AGBL4: variants seen among roughly 807,000 people sequenced by gnomAD.
AGBL4 encodes AGBL carboxypeptidase 4.
In AGBL4, 58 loss-of-function variants were observed where a neutral mutation model predicts 66.4. The ratio of observed to expected loss-of-function variants is 0.87; its 90% CI spans 0.71 to 1.09. The LOEUF (loss-of-function observed/expected upper bound fraction) is 1.09, where lower values mean the gene tolerates loss of function less well. AGBL4 is among the 50% of genes least tolerant of loss of function. The pLI, the probability that AGBL4 is intolerant of heterozygous loss-of-function variation, is 0.00. For synonymous variants in AGBL4, 234 were observed against 222.9 expected (o/e 1.05, Z -0.44); for missense variants, 579 against 631.0 (o/e 0.92, Z 0.88).
intron 4 of AGBL4, among the ~76,000 whole-genome samples, chr1:49,156,359 T>C (rs1281668198): frequency 6.6e-6 from 1 of 152,210 alleles, no homozygotes; most frequent in African/African-American, 2.4e-5. Flanking sequence ...GCATTGGCTA[T>C]ATATTGTTGT....
At position 48,653,457 on chromosome 1, in the gene AGBL4, G is replaced by A; in HGVS notation, c.725-6C>T. 1 of 1,545,282 alleles carries A rather than the reference G, an allele frequency of 6.5e-7. No homozygotes were observed. Among genetic ancestry groups the A allele is most frequent in the Non-Finnish European group, 8.8e-7 (1 of 1,138,472 alleles). ...TACAAGGAAGTCAATGATCCCTAGG[G>A]AAAGAGAAGAGCCCGGTTTAACAAC... On this transcript the variant is annotated splice_region_variant and splice_polypyrimidine_tract_variant and intron_variant, in intron 7 of 13. Transcript: ENST00000371839.
chr1:49,743,049 A>G (rs1019563987), intron 2 of AGBL4, among the ~76,000 whole-genome samples: 1 of 152,204 alleles, frequency 6.6e-6, no homozygotes. Context: ...AAATTGACAA[A>G]TGGGATCTAA....
chr1:49,536,239 G>T (rs1230318464), intron 3 of AGBL4, among the ~76,000 whole-genome samples: 1 of 152,052 alleles, frequency 6.6e-6, no homozygotes, highest in Non-Finnish European at 1.5e-5. Flanking sequence ...AAGAGTTGTG[G>T]TGATGTCTTA....
chr1:48,992,493 A>G (rs1403263603), intron 5 of AGBL4, among the ~76,000 whole-genome samples: 2 of 151,716 alleles, frequency 1.3e-5, no homozygotes, highest in South Asian at 2.1e-4. Context: ...GCTAGTGCCT[A>G]TGTTTGCTGA....
chr1:48,881,989 C>G (rs1649834235), intron 5 of AGBL4, among the ~76,000 whole-genome samples: 2 of 152,196 alleles, frequency 1.3e-5, no homozygotes, highest in Admixed American at 1.3e-4. Context: ...TGGTTTATGC[C>G]TGTAACCCCA....
In AGBL4 at chr1:49,741,483, T is replaced by C. The variant is rs182832062; in HGVS notation, c.158-44046A>G. On this transcript the variant is annotated intron_variant, in intron 2 of 13. Transcript: ENST00000371839. ...ATTCTATCAGAGGTACAAGAGGAGA[T>C]GGTACCATTCCTTCTGAAACTATTC... Among the ~76,000 whole-genome samples the C allele has an allele frequency of 5.1e-4, 78 of 152,260 alleles. No homozygotes were observed. The East Asian group carries it at 0.014, about 26-fold the overall frequency.
chr1:49,043,831 G>A (rs1266374295), intron 5 of AGBL4, among the ~76,000 whole-genome samples: 1 of 152,202 alleles, frequency 6.6e-6, no homozygotes, highest in East Asian at 1.9e-4. Flanking sequence ...CAGTACCTGA[G>A]TTGCACATAG....
intron 3 of AGBL4, among the ~76,000 whole-genome samples, chr1:49,682,640 G>A (rs1646717325): frequency 6.6e-6 from 1 of 152,180 alleles, no homozygotes; most frequent in Non-Finnish European, 1.5e-5. Flanking sequence ...AGGCCCTAGA[G>A]CAGGACCAAC....
At chr1:49,284,619 T>A (rs1001805369) in intron 3 of AGBL4, among the ~76,000 whole-genome samples, 3 of 152,178 alleles carry the variant, frequency 2.0e-5, no homozygotes, top group Admixed American at 1.3e-4. Context: ...TGCTGTATTC[T>A]GGAAACCCAT....
chr1:49,345,287 A>G (rs1193946444), intron 3 of AGBL4, among the ~76,000 whole-genome samples: 1 of 152,164 alleles, frequency 6.6e-6, no homozygotes, highest in Non-Finnish European at 1.5e-5. Flanking sequence ...ACGTTAAATT[A>G]TCATGTGCAA....
chr1:49,422,510 G>T (rs985278673), intron 3 of AGBL4, among the ~76,000 whole-genome samples: 3 of 152,088 alleles, frequency 2.0e-5, no homozygotes, highest in Non-Finnish European at 4.4e-5. Context: ...ATATATTTTT[G>T]ATCAGAACAA....
chr1:48,593,738 G>A (rs1335357288), intron 9 of AGBL4, among the ~76,000 whole-genome samples: 3 of 152,162 alleles, frequency 2.0e-5, no homozygotes, highest in Non-Finnish European at 2.9e-5. Flanking sequence ...GCGACAGTGC[G>A]AGACTCCGTC....
intron 2 of AGBL4, among the ~76,000 whole-genome samples, chr1:49,796,556 A>C (rs919076289): frequency 1.3e-5 from 2 of 151,330 alleles, no homozygotes; most frequent in African/African-American, 4.8e-5. Context: ...TTATCTTTTT[A>C]AAATATTAGA....
intron 6 of AGBL4, among the ~76,000 whole-genome samples, chr1:48,721,619 T>C (rs1204892448): frequency 6.6e-6 from 1 of 152,176 alleles, no homozygotes; most frequent in African/African-American, 2.4e-5. Flanking sequence ...ACCCAGGCCC[T>C]GGATATTTAT....
At chr1:48,634,462 C>G (rs750312822) in intron 9 of AGBL4, 31 bp downstream of exon 9, 22 of 1,518,828 alleles carry the variant, frequency 1.4e-5, no homozygotes, top group Non-Finnish European at 1.8e-5. Context: ...AGCCATAGAT[C>G]AGCAGCTGTG....
chr1:48,718,083 A>G (rs1452212966), intron 6 of AGBL4, among the ~76,000 whole-genome samples: 1 of 152,198 alleles, frequency 6.6e-6, no homozygotes, highest in African/African-American at 2.4e-5. Flanking sequence ...GAACGAGGGA[A>G]TGAAAGAAAA....
intron 5 of AGBL4, among the ~76,000 whole-genome samples, chr1:48,963,490 G>A (rs1294903544): frequency 6.6e-6 from 1 of 151,778 alleles, no homozygotes; most frequent in Admixed American, 6.6e-5. Flanking sequence ...CTTAAAATGT[G>A]TAGAATTCAT....
chr1:49,334,905 A>G (rs774272456), intron 3 of AGBL4, among the ~76,000 whole-genome samples: 26 of 152,326 alleles, frequency 1.7e-4, no homozygotes, highest in Non-Finnish European at 2.6e-4. Context: ...TGTCCAACTG[A>G]TAGTCAATTC....
chr1:49,674,309 G>C (rs865985253), intron 3 of AGBL4, among the ~76,000 whole-genome samples: 1 of 151,642 alleles, frequency 6.6e-6, no homozygotes, highest in Admixed American at 6.6e-5. Flanking sequence ...TGCATTTATT[G>C]GTCATATCCT....
Sources: allele counts gnomAD v4.1 joint callset (sites outside exome capture counted in the v4.1 genomes callset), GRCh38; gene constraint gnomAD v4.1.1; transcripts MANE v1.5; gene names NCBI Gene and HGNC (gene_info 2026-07-23, HGNC 2026-07-21).